The following NEURL1 variants were observed in gnomAD, a reference collection of about 807,000 sequenced individuals.
NEURL1 encodes the protein E3 ubiquitin-protein ligase NEURL1.
NEURL1 carries 26 observed loss-of-function variants against 41.2 expected under a neutral mutation model. The observed-to-expected ratio is 0.63, with a 90% CI of 0.46 to 0.87. The LOEUF is 0.87. Ranked by LOEUF, NEURL1 falls within the 40% of genes least tolerant of loss-of-function variation. The pLI is 0.00. For synonymous variants in NEURL1, 400 were observed against 402.3 expected (o/e 0.99, Z 0.07); for missense variants, 761 against 871.1 (o/e 0.87, Z 1.59).
chr10:103,538,947 T>G (rs908326061), intron 1 of NEURL1, among the ~76,000 whole-genome samples: 2 of 143,670 alleles, frequency 1.4e-5, no homozygotes, highest in Non-Finnish European at 3.0e-5. Context: ...GCACCCGTTT[T>G]TTTTTTTTTT....
chr10:103,509,827 A>C (rs1355314211), intron 1 of NEURL1, among the ~76,000 whole-genome samples: 2 of 152,066 alleles, frequency 1.3e-5, no homozygotes, highest in African/African-American at 4.8e-5. Flanking sequence ...TTTTGGGCTG[A>C]TCTTGAGGCT....
chr10:103,524,270 T>A (rs955866955), intron 1 of NEURL1, among the ~76,000 whole-genome samples: 2 of 152,206 alleles, frequency 1.3e-5, no homozygotes. Context: ...CTCATCTGCC[T>A]GTTTTTTAAT....
intron 1 of NEURL1, among the ~76,000 whole-genome samples, chr10:103,495,384 C>G (rs2033658463): frequency 6.6e-6 from 1 of 152,228 alleles, no homozygotes; most frequent in Admixed American, 6.5e-5. Context: ...ACCCCACTTC[C>G]TAAGCTCCTC....
At chr10:103,578,371 G>A (rs11191734) in intron 3 of NEURL1, among the ~76,000 whole-genome samples, 41,550 of 152,036 alleles carry the variant, frequency 0.27, 6,241 homozygotes, top group East Asian at 0.45. Flanking sequence ...TCTCTGTATC[G>A]GGCTGAAAGG....
In NEURL1 at chr10:103,528,287, G is replaced by A. The variant is rs191768192; in HGVS notation, c.85+33815G>A. ...GGAGAATCACCTGAACCCGGTAGGC[G>A]GATGTTGCAGTGAGCTAAGATTGCA... is the stretch of plus-strand genomic sequence containing the variant. On this transcript the variant is annotated intron_variant, in intron 1 of 5. Transcript: ENST00000369780. 4.9e-3 allele frequency among the ~76,000 whole-genome samples: 739 copies of A among 152,206 alleles called. 22 individuals carry two copies. The highest frequency in any genetic ancestry group is 0.046 in the Admixed American group (700 of 15,278).
At position 103,590,238 on chromosome 10, in the gene NEURL1, A is replaced by T. The variant is rs1355681829; in HGVS notation, c.1591A>T (p.Thr531Ser). 6.2e-7 allele frequency: 1 copy of T among 1,614,118 alleles called. No homozygotes were observed. Among genetic ancestry groups the T allele is most frequent in the Non-Finnish European group, 8.5e-7 (1 of 1,180,020 alleles). Residue 531 changes from threonine (T) to serine (S), a missense_variant, in exon 6 of 6, where the codon ACG (threonine) becomes TCG (serine). By Grantham distance (58) the Thr-to-Ser change is moderately conservative. Around this residue, in one of 5 missense-constraint regions of NEURL1, gnomAD observed 45 missense variants for 89.9 expected, o/e 0.50. Coordinates refer to ENST00000369780, the MANE Select transcript of NEURL1 (RefSeq NM_004210.5). ...CATTTGCTATGAACACGCGGTGGAC[A>T]CGGTCATCTACACATGTGGCCACAT... is the stretch of plus-strand genomic sequence containing the variant. Reference protein sequence around the residue: ...CTICYEHAVDTVIYTCGHMCL... With the variant: ...CTICYEHAVDSVIYTCGHMCL...
chr10:103,554,516 A>G (rs1380539003), intron 1 of NEURL1, among the ~76,000 whole-genome samples: 1 of 152,050 alleles, frequency 6.6e-6, no homozygotes, highest in Admixed American at 6.6e-5. Context: ...GTGGGGGGGA[A>G]AAGCCTGGAT....
intron 4 of NEURL1, among the ~76,000 whole-genome samples, chr10:103,587,445 CA>C (rs2035946078): frequency 6.6e-6 from 1 of 152,192 alleles, no homozygotes; most frequent in Non-Finnish European, 1.5e-5. Context: ...ATACATTCAA[CA>C]AAGTGCTCCT....
intron 1 of NEURL1, among the ~76,000 whole-genome samples, chr10:103,526,773 G>T (rs1220061160): frequency 6.6e-6 from 1 of 152,178 alleles, no homozygotes. Flanking sequence ...GCCTCCCAAG[G>T]TGCTGGGATT....
At chr10:103,498,055 A>T (rs2033728747) in intron 1 of NEURL1, among the ~76,000 whole-genome samples, 1 of 152,172 alleles carries the variant, frequency 6.6e-6, no homozygotes, top group Non-Finnish European at 1.5e-5. Context: ...TATATATTAC[A>T]TGAAATAGAA....
At chr10:103,526,679 T>C (rs2034466017) in intron 1 of NEURL1, among the ~76,000 whole-genome samples, 1 of 152,028 alleles carries the variant, frequency 6.6e-6, no homozygotes, top group Non-Finnish European at 1.5e-5. Flanking sequence ...GCCCGGGTAA[T>C]TTTTGTATTT....
At chr10:103,509,662 A>G (rs1452136362) in intron 1 of NEURL1, among the ~76,000 whole-genome samples, 1 of 152,198 alleles carries the variant, frequency 6.6e-6, no homozygotes. Context: ...ATTTCTGTAT[A>G]AGAAGAGGCC....
chr10:103,575,275 G>A (rs979200969), intron 3 of NEURL1, among the ~76,000 whole-genome samples: 11 of 151,506 alleles, frequency 7.3e-5, no homozygotes, highest in Admixed American at 7.2e-4. Context: ...TGCTTTCCCT[G>A]GTCTTGGTGT....
At chr10:103,499,280 G>C (rs1284203522) in intron 1 of NEURL1, among the ~76,000 whole-genome samples, 6 of 152,158 alleles carry the variant, frequency 3.9e-5, no homozygotes, top group African/African-American at 1.4e-4. Flanking sequence ...CTTGTGGTGG[G>C]CCAGAGTGTC....
chr10:103,534,165 A>G (rs910164660), intron 1 of NEURL1, among the ~76,000 whole-genome samples: 2 of 142,520 alleles, frequency 1.4e-5, no homozygotes, highest in African/African-American at 5.1e-5. Context: ...GATTTTTATC[A>G]GATTGTCTAT....
intron 4 of NEURL1, among the ~76,000 whole-genome samples, 168 bp downstream of exon 4, chr10:103,585,393 G>T (rs565478534): frequency 6.6e-6 from 1 of 152,282 alleles, no homozygotes; most frequent in East Asian, 1.9e-4. Flanking sequence ...CTTGTCAGTG[G>T]CCCTTATATG....
At chr10:103,512,919 C>T (rs1197257960) in intron 1 of NEURL1, among the ~76,000 whole-genome samples, 2 of 152,112 alleles carry the variant, frequency 1.3e-5, no homozygotes, top group East Asian at 1.9e-4. Flanking sequence ...CCAGTCAAGG[C>T]AGGTGGTGGG....
At position 103,494,205 on chromosome 10, in the gene NEURL1, G is replaced by A; in HGVS notation, c.-183G>A. 5.8e-6 allele frequency: 3 copies of A among 519,270 alleles called. No individual in the cohort carries two copies. The highest frequency in any genetic ancestry group is 5.1e-4 in the Middle Eastern group (1 of 1,960). 32.2% of individuals were successfully genotyped at this position (519,270 alleles called of 1,614,324 possible). A position where few individuals can be genotyped will look rare whatever the true frequency, so the allele number is the denominator to read the frequency against. Reference sequence around the variant, plus strand: ...AGGACACCCGTGGCGGGCGGAACCCGCCAAGGACCGCGAAGTCCAGAGAAA... The same window carrying A: ...AGGACACCCGTGGCGGGCGGAACCCACCAAGGACCGCGAAGTCCAGAGAAA... On this transcript the variant is annotated 5_prime_UTR_variant, in exon 1 of 6. Coordinates refer to ENST00000369780, the MANE Select transcript of NEURL1 (RefSeq NM_004210.5).
intron 1 of NEURL1, among the ~76,000 whole-genome samples, chr10:103,533,737 C>A: frequency 6.6e-6 from 1 of 152,268 alleles, no homozygotes; most frequent in Middle Eastern, 3.4e-3. Context: ...GGGGTTTCAC[C>A]GTGTTAGCCA....
Sources: allele counts gnomAD v4.1 joint callset (sites outside exome capture counted in the v4.1 genomes callset), GRCh38; gene constraint gnomAD v4.1.1; regional missense constraint gnomAD v4.1.1; transcripts MANE v1.5; gene names NCBI Gene and HGNC (gene_info 2026-07-23, HGNC 2026-07-21).